ATP8A2: variants seen among roughly 807,000 people sequenced by gnomAD.
ATP8A2 encodes ATPase phospholipid transporting 8A2.
A neutral mutation model predicts 165.6 loss-of-function variants in ATP8A2; 100 were observed. The ratio of observed to expected loss-of-function variants is 0.60; its 90% CI spans 0.51 to 0.71. The LOEUF (loss-of-function observed/expected upper bound fraction) is 0.71. ATP8A2 is among the 30% of genes least tolerant of loss of function. The pLI is 0.00. For synonymous variants in ATP8A2, 543 were observed against 548.8 expected, an observed-to-expected ratio of 0.99 and a Z score of 0.15; for missense variants, 1,227 against 1,479.5, an observed-to-expected ratio of 0.83 and a Z score of 2.80.
rs574926419 is a variant in ATP8A2 at position 25,581,433 on chromosome 13, A to G, written c.2008-386A>G. 1.6e-4 allele frequency among the ~76,000 whole-genome samples: 24 copies of G among 152,312 alleles called. No individual in the cohort carries two copies. In the South Asian group the frequency reaches 4.8e-3, roughly 30 times the overall value. On this transcript the variant is annotated intron_variant, in intron 22 of 36. Coordinates refer to ENST00000381655, the MANE Select transcript of ATP8A2 (RefSeq NM_016529.6). ...TACTCCTATTTTGCCAGGTAAGTGTATTATCTAGAATTAGTTCTCCTCCTT... is the reference window on the plus strand; with the variant it reads ...TACTCCTATTTTGCCAGGTAAGTGTGTTATCTAGAATTAGTTCTCCTCCTT...
chr13:25,690,306 A>G (rs2042696982), intron 24 of ATP8A2, among the ~76,000 whole-genome samples: 1 of 152,110 alleles, frequency 6.6e-6, no homozygotes, highest in Non-Finnish European at 1.5e-5. Context: ...GTTTTCTCTT[A>G]TGCATCTCAC....
At chr13:25,711,535 C>A (rs1297693869) in intron 25 of ATP8A2, among the ~76,000 whole-genome samples, 2 of 151,622 alleles carry the variant, frequency 1.3e-5, no homozygotes, top group African/African-American at 2.4e-5. Flanking sequence ...CACAGTGAGA[C>A]CACATCTCTA....
intron 35 of ATP8A2, among the ~76,000 whole-genome samples, chr13:25,995,425 A>C (rs1157886894): frequency 6.6e-6 from 1 of 151,142 alleles, no homozygotes; most frequent in East Asian, 1.9e-4. Context: ...ATTTTTTTTA[A>C]TATATAGATT....
At chr13:25,639,109 C>A (rs1348394314) in intron 24 of ATP8A2, among the ~76,000 whole-genome samples, 2 of 40,924 alleles carry the variant, frequency 4.9e-5, no homozygotes, top group African/African-American at 9.4e-5. Context: ...GAAGGAAGCA[C>A]TAAACATGGA....
chr13:25,930,499 G>A (rs541097142), intron 33 of ATP8A2, among the ~76,000 whole-genome samples: 12 of 152,250 alleles, frequency 7.9e-5, no homozygotes, highest in Admixed American at 3.9e-4. Flanking sequence ...GGGGGACTCA[G>A]CTCAAATACT....
At chr13:25,806,329 G>A (rs1950739960) in intron 27 of ATP8A2, among the ~76,000 whole-genome samples, 1 of 152,062 alleles carries the variant, frequency 6.6e-6, no homozygotes, top group South Asian at 2.1e-4. Context: ...TGATCTGTGG[G>A]TGGAGTTTTT....
intron 33 of ATP8A2, among the ~76,000 whole-genome samples, chr13:25,948,294 T>C (rs1955263850): frequency 6.6e-6 from 1 of 152,006 alleles, no homozygotes; most frequent in South Asian, 2.1e-4. Context: ...ATCTAGGATG[T>C]CTGAATAATT....
chr13:25,869,228 G>C (rs1952611551), intron 33 of ATP8A2, among the ~76,000 whole-genome samples: 1 of 152,162 alleles, frequency 6.6e-6, no homozygotes, highest in African/African-American at 2.4e-5. Context: ...AGTTCTGTCA[G>C]AATTGGCTTT....
chr13:25,763,146 A>G (rs1233253903), intron 25 of ATP8A2, among the ~76,000 whole-genome samples: 5 of 152,170 alleles, frequency 3.3e-5, no homozygotes, highest in African/African-American at 4.8e-5. Flanking sequence ...CTCATCCCTG[A>G]AAGTCTGTGC....
At chr13:25,965,196 G>A (rs1955751670) in intron 34 of ATP8A2, among the ~76,000 whole-genome samples, 1 of 152,168 alleles carries the variant, frequency 6.6e-6, no homozygotes, top group Non-Finnish European at 1.5e-5. Context: ...GATTAAGGCA[G>A]GCCTGCCTTT....
intron 6 of ATP8A2, among the ~76,000 whole-genome samples, chr13:25,536,534 A>C (rs1303382671): frequency 6.6e-6 from 1 of 152,166 alleles, no homozygotes; most frequent in Non-Finnish European, 1.5e-5. Context: ...AAACAACTTA[A>C]AGCACCAATA....
chr13:25,762,296 A>AT (rs2044397987), intron 25 of ATP8A2, among the ~76,000 whole-genome samples: 1 of 149,198 alleles, frequency 6.7e-6, no homozygotes, highest in Admixed American at 6.7e-5. Flanking sequence ...AAAAAAAAAA[A>AT]GCTGTCCCAG....
At chr13:25,667,079 C>G (rs1390645024) in intron 24 of ATP8A2, among the ~76,000 whole-genome samples, 1 of 152,164 alleles carries the variant, frequency 6.6e-6, no homozygotes, top group African/African-American at 2.4e-5. Flanking sequence ...ACCACCACCT[C>G]TGTCTAGTTC....
At chr13:25,634,154 G>T (rs59586132) in intron 24 of ATP8A2, among the ~76,000 whole-genome samples, 1 of 152,086 alleles carries the variant, frequency 6.6e-6, no homozygotes, top group South Asian at 2.1e-4. Context: ...ACTCAGTCAA[G>T]CTTGACACAG....
chr13:25,698,931 G>A (rs1487178882), intron 24 of ATP8A2, among the ~76,000 whole-genome samples: 1 of 152,140 alleles, frequency 6.6e-6, no homozygotes, highest in Non-Finnish European at 1.5e-5. Context: ...TGTATGTAGT[G>A]TAAAGAAGTG....
chr13:25,895,643 G>T (rs1005510169), intron 33 of ATP8A2, among the ~76,000 whole-genome samples: 14 of 152,148 alleles, frequency 9.2e-5, no homozygotes, highest in Non-Finnish European at 1.5e-4. Flanking sequence ...GTAGAATTCG[G>T]CTGTGAATCC....
intron 2 of ATP8A2, among the ~76,000 whole-genome samples, chr13:25,502,834 G>A (rs74979634): frequency 2.0e-4 from 31 of 152,354 alleles, no homozygotes; most frequent in Non-Finnish European, 4.1e-4. Context: ...GGCTGGCATT[G>A]TGTGGGTTCT....
At chr13:25,887,312 C>T (rs1953188423) in intron 33 of ATP8A2, among the ~76,000 whole-genome samples, 1 of 151,948 alleles carries the variant, frequency 6.6e-6, no homozygotes, top group Non-Finnish European at 1.5e-5. Flanking sequence ...GACATCAGAT[C>T]ATAAGGAAAA....
intron 19 of ATP8A2, among the ~76,000 whole-genome samples, chr13:25,575,133 A>T (rs2039580571): frequency 6.6e-6 from 1 of 152,192 alleles, no homozygotes. Context: ...TTGCATCAGC[A>T]GCTGCAGACA....
Sources: allele counts gnomAD v4.1 joint callset (sites outside exome capture counted in the v4.1 genomes callset), GRCh38; gene constraint gnomAD v4.1.1; transcripts MANE v1.5; gene names NCBI Gene and HGNC (gene_info 2026-07-23, HGNC 2026-07-21).